RHBDL3: variants seen among roughly 807,000 people sequenced by gnomAD.
RHBDL3 encodes rhomboid like 3.
In RHBDL3, 28 loss-of-function variants were observed where a neutral mutation model predicts 48.2. The ratio of observed to expected loss-of-function variants is 0.58; its 90% CI spans 0.43 to 0.80. The LOEUF (loss-of-function observed/expected upper bound fraction) is 0.80. Ranked by LOEUF, RHBDL3 falls within the 30% of genes least tolerant of loss-of-function variation. RHBDL3 has a pLI of 0.00. For synonymous variants in RHBDL3, 208 were observed against 232.3 expected (o/e 0.90, Z 0.95); for missense variants, 464 against 542.7 (o/e 0.85, Z 1.44).
chr17:32,295,725 C>G (rs865946685), intron 5 of RHBDL3, among the ~76,000 whole-genome samples: 1 of 152,344 alleles, frequency 6.6e-6, no homozygotes, highest in Middle Eastern at 3.4e-3. Context: ...TGAGCCCTGT[C>G]CCAGGAGCTT....
chr17:32,268,983 A>T lies in RHBDL3; in HGVS notation c.135+1058A>T, dbSNP rs541932892. Among the ~76,000 whole-genome samples, 4 of 152,214 alleles carry T rather than the reference A, an allele frequency of 2.6e-5. No individual in the cohort carries two copies. The South Asian group carries it at 6.2e-4, about 24-fold the overall frequency. On this transcript the variant is annotated intron_variant, in intron 2 of 8. Transcript: ENST00000269051. ...AGGGACATGGTGATGGAAGAATTGGAAGATCTTAATAGACCGTAGGTGAGG... is the reference window on the plus strand; with the variant it reads ...AGGGACATGGTGATGGAAGAATTGGTAGATCTTAATAGACCGTAGGTGAGG...
chr17:32,308,056 T>C (rs2040752102), intron 7 of RHBDL3, among the ~76,000 whole-genome samples: 1 of 152,138 alleles, frequency 6.6e-6, no homozygotes, highest in African/African-American at 2.4e-5. Flanking sequence ...GAAGTTCCCA[T>C]GGTGAAGGCA....
intron 4 of RHBDL3, among the ~76,000 whole-genome samples, chr17:32,293,173 A>AGTG (rs565960525): frequency 0.022 from 2,231 of 102,610 alleles, 63 homozygotes; most frequent in African/African-American, 0.069. Context: ...GGCTGGAGGG[A>AGTG]GGGGGTGGGG....
intron 6 of RHBDL3, among the ~76,000 whole-genome samples, chr17:32,301,611 G>C (rs1275655029): frequency 6.6e-6 from 1 of 151,906 alleles, no homozygotes; most frequent in East Asian, 1.9e-4. Context: ...ACATGAGATG[G>C]GGAGTTTGAG....
At chr17:32,283,459 G>A (rs2040111573) in intron 2 of RHBDL3, among the ~76,000 whole-genome samples, 1 of 151,804 alleles carries the variant, frequency 6.6e-6, no homozygotes, top group East Asian at 1.9e-4. Flanking sequence ...GAGTAGCTGG[G>A]ACTACAGGCG....
chr17:32,287,294 G>A (rs2040220186), intron 3 of RHBDL3, among the ~76,000 whole-genome samples: 1 of 152,154 alleles, frequency 6.6e-6, no homozygotes, highest in Non-Finnish European at 1.5e-5. Flanking sequence ...GACTGGGAGA[G>A]AGACAGGTGA....
intron 2 of RHBDL3, among the ~76,000 whole-genome samples, chr17:32,276,245 C>CA (rs1423489133): frequency 4.2e-5 from 6 of 141,432 alleles, no homozygotes; most frequent in Admixed American, 1.4e-4. Flanking sequence ...GGCATGAGAA[C>CA]AAAAAAACAA....
In RHBDL3 at chr17:32,321,524, GCTT is replaced by G; in HGVS notation, c.*300_*302del. On this transcript the variant is annotated 3_prime_UTR_variant, in exon 9 of 9. Coordinates refer to ENST00000269051, the MANE Select transcript of RHBDL3 (RefSeq NM_138328.3). ...AGTGGCCCTCCCTCACCTGGGCTGG[GCTT>G]CTTCCATGGGGCCAGGGGGTGCCCC... is the stretch of plus-strand genomic sequence containing the variant. The G allele has an allele frequency of 1.6e-6, 1 of 618,352 alleles. No homozygotes were observed. Among genetic ancestry groups the G allele is most frequent in the Non-Finnish European group, 2.7e-6 (1 of 373,288 alleles). 38.3% of individuals were successfully genotyped at this position (618,352 alleles called of 1,614,324 possible).
At chr17:32,280,201 T>C (rs2040010332) in intron 2 of RHBDL3, among the ~76,000 whole-genome samples, 1 of 152,162 alleles carries the variant, frequency 6.6e-6, no homozygotes, top group Non-Finnish European at 1.5e-5. Flanking sequence ...GGCTCCCTGC[T>C]GGGCCCCTAC....
At chr17:32,296,608 A>G (rs2040456896) in intron 5 of RHBDL3, among the ~76,000 whole-genome samples, 1 of 151,894 alleles carries the variant, frequency 6.6e-6, no homozygotes, top group Non-Finnish European at 1.5e-5. Context: ...TGCCAGGATT[A>G]CAGGCTTGAG....
chr17:32,287,158 T>C (rs1346085155), intron 3 of RHBDL3, among the ~76,000 whole-genome samples: 1 of 152,134 alleles, frequency 6.6e-6, no homozygotes, highest in Non-Finnish European at 1.5e-5. Flanking sequence ...GGGACCATGG[T>C]CATGGACTGT....
At chr17:32,300,308 G>A (rs948466176) in intron 6 of RHBDL3, among the ~76,000 whole-genome samples, 1 of 152,190 alleles carries the variant, frequency 6.6e-6, no homozygotes, top group Non-Finnish European at 1.5e-5. Context: ...AATACTTTGG[G>A]AGGTCAAGGC....
Position 32,279,588 on chromosome 17 carries a change from G to C in RHBDL3, c.136-5071G>C, listed in dbSNP as rs71377426. Among the ~76,000 whole-genome samples the C allele has an allele frequency of 4.5e-4, 68 of 152,316 alleles. 1 individual carries two copies. The highest frequency in any genetic ancestry group is 1.2e-3 in the South Asian group (6 of 4,834). On this transcript the variant is annotated intron_variant, in intron 2 of 8. Transcript: ENST00000269051. ...ATGTGGAATTGCCTGCTGTGATCCC[G>C]AATGTCCTGTAGCCCCTTGACTGTG...
In RHBDL3 at chr17:32,320,380, G is replaced by A. The variant is rs183125845; in HGVS notation, c.944-578G>A. 1.4e-4 allele frequency among the ~76,000 whole-genome samples: 22 copies of A among 152,250 alleles called. 1 individual carries two copies. The highest frequency in any genetic ancestry group is 1.3e-4 in the Admixed American group (2 of 15,282). ...CTTGCTCTGTCGCCCCAGCTGCAGC[G>A]CAGTAGTGCAATCTCAGCTCACTGC... On this transcript the variant is annotated intron_variant, in intron 8 of 8. Transcript: ENST00000269051.
Position 32,323,114 on chromosome 17 carries a change from C to G in RHBDL3, c.*1885C>G, listed in dbSNP as rs2041177816. The G allele has an allele frequency of 6.6e-6, 1 of 152,386 alleles. No homozygotes were observed. The highest frequency in any genetic ancestry group is 1.5e-5 in the Non-Finnish European group (1 of 68,178). The allele number at this position is 152,386 out of a possible 1,614,324, so 9.4% of individuals were successfully genotyped here. On this transcript the variant is annotated 3_prime_UTR_variant, in exon 9 of 9. Coordinates refer to ENST00000269051, the MANE Select transcript of RHBDL3 (RefSeq NM_138328.3). The stretch of plus-strand genomic sequence containing the variant: ...CAGGCGAGGCCCAGCCATACCGCAT[C>G]TTGGCCCACTGCTAAATAGATTGCC...
At chr17:32,312,427 C>T (rs998963873) in intron 7 of RHBDL3, among the ~76,000 whole-genome samples, 3 of 151,990 alleles carry the variant, frequency 2.0e-5, no homozygotes, top group African/African-American at 7.2e-5. Context: ...AGAGTAAGAC[C>T]CTGTCTCAAA....
At position 32,323,127 on chromosome 17, in the gene RHBDL3, T is replaced by C. The variant is rs1349131338; in HGVS notation, c.*1898T>C. The C allele has an allele frequency of 6.6e-6, 1 of 152,422 alleles. No individual in the cohort carries two copies. The highest frequency in any genetic ancestry group is 1.5e-5 in the Non-Finnish European group (1 of 68,204). 9.4% of individuals were successfully genotyped at this position (152,422 alleles called of 1,614,324 possible). ...GCCATACCGCATCTTGGCCCACTGC[T>C]AAATAGATTGCCCTGGCCTCATCCA... On this transcript the variant is annotated 3_prime_UTR_variant, in exon 9 of 9. Transcript: ENST00000269051.
At chr17:32,311,396 G>T (rs1375589415) in intron 7 of RHBDL3, among the ~76,000 whole-genome samples, 1 of 152,086 alleles carries the variant, frequency 6.6e-6, no homozygotes, top group Non-Finnish European at 1.5e-5. Context: ...TTAACCCCTC[G>T]GCTGCTGGGA....
intron 6 of RHBDL3, 109 bp from the exon 7 acceptor site, chr17:32,305,232 G>GTCTTGCTCTGGAGTCTTAGCACGGAGCC: frequency 1.3e-6 from 1 of 748,590 alleles, no homozygotes; most frequent in East Asian, 2.5e-5. Flanking sequence ...GAGGTGGAGC[G>GTCTTGCTCTGGAGTCTTAGCACGGAGCC]TCTTGCTCTG....
Sources: gnomAD v4.1 joint callset for allele counts (sites outside exome capture counted in the v4.1 genomes callset) on GRCh38, gnomAD v4.1.1 for gene constraint, MANE v1.5 for transcripts, NCBI Gene and HGNC (gene_info 2026-07-23, HGNC 2026-07-21) for gene names.